GLI2: variants seen among roughly 807,000 people sequenced by gnomAD.
GLI2 encodes the protein GLI family zinc finger 2, also known as transcription activator GLI2.
In GLI2, 22 loss-of-function variants were observed where a neutral mutation model predicts 78.9. The observed-to-expected ratio is 0.28, with a 90% confidence interval of 0.20 to 0.40. The LOEUF (loss-of-function observed/expected upper bound fraction) is 0.40, where lower values mean the gene tolerates loss of function less well. GLI2 is among the 10% of genes least tolerant of loss of function. GLI2 has a pLI of 1.00. For synonymous variants in GLI2, 974 were observed against 963.7 expected (o/e 1.01, Z -0.20); for missense variants, 2,097 against 2,213.2 (o/e 0.95, Z 1.05).
intron 2 of GLI2, among the ~76,000 whole-genome samples, chr2:120,915,329 C>G (rs894179878): frequency 2.0e-5 from 3 of 152,260 alleles, no homozygotes; most frequent in Non-Finnish European, 4.4e-5. Flanking sequence ...CGGACACCAG[C>G]CAGCTCGTGG....
chr2:120,947,309 A>G (rs1411809252), intron 3 of GLI2, among the ~76,000 whole-genome samples: 1 of 152,222 alleles, frequency 6.6e-6, no homozygotes, highest in Non-Finnish European at 1.5e-5. Context: ...GACCTAGCCT[A>G]TCTGGGGATG....
Position 120,990,316 on chromosome 2 carries a change from G to T in GLI2, c.4351G>T (p.Val1451Phe). 6.2e-7 allele frequency: 1 copy of T among 1,613,806 alleles called. No individual in the cohort carries two copies. Among genetic ancestry groups the T allele is most frequent in the South Asian group, 1.1e-5 (1 of 91,086 alleles). The change falls in exon 14 of 14, where the codon GTC becomes TTC. Residue 1451 changes from valine to phenylalanine, a missense_variant. Transcript: ENST00000361492. The stretch of plus-strand genomic sequence containing the variant: ...CCTGGAGAACCTCGGGAGCTGCCAG[G>T]TCATGCGGTCCCAGCCACCACAGCC... ...GGLENLGSCQ[V>F]MRSQPPQPQA... is the part of the protein sequence containing the mutation.
chr2:120,820,425 G>A (rs1392748985), intron 2 of GLI2, among the ~76,000 whole-genome samples: 3 of 152,338 alleles, frequency 2.0e-5, no homozygotes, highest in Admixed American at 2.0e-4. Context: ...GTGAGCATTA[G>A]TTCCCCCCTC....
chr2:120,901,106 T>C (rs1678230546), intron 2 of GLI2, among the ~76,000 whole-genome samples: 1 of 152,206 alleles, frequency 6.6e-6, no homozygotes, highest in South Asian at 2.1e-4. Context: ...ATAAAGCCAC[T>C]TAAGCTTTAC....
chr2:120,890,530 A>G (rs1001367610), intron 2 of GLI2, among the ~76,000 whole-genome samples: 34 of 152,216 alleles, frequency 2.2e-4, no homozygotes, highest in African/African-American at 8.2e-4. Flanking sequence ...TGAGGAAATT[A>G]GAACAAGGCA....
chr2:120,989,118 G>A lies in GLI2; in HGVS notation c.3153G>A (p.Gln1051=). ...TGGTGCTTCCAGACGACGTGGTGCA[G>A]TACATCAAGGCGCACGCCAGTGGCG... is the stretch of plus-strand genomic sequence containing the variant. The part of the protein sequence containing the change: ...DDLVLPDDVV[Q]YIKAHASGAL... The change falls in exon 14 of 14, where the codon CAG becomes CAA. Residue 1051 remains glutamine, a synonymous_variant. Coordinates refer to ENST00000361492, the MANE Select transcript of GLI2 (RefSeq NM_001374353.1). The A allele has an allele frequency of 6.2e-6, 10 of 1,612,892 alleles. No individual in the cohort carries two copies. The highest frequency in any genetic ancestry group is 8.5e-6 in the Non-Finnish European group (10 of 1,179,948).
chr2:120,786,917 GAGA>G (rs1484044966), intron 1 of GLI2, among the ~76,000 whole-genome samples: 1 of 152,200 alleles, frequency 6.6e-6, no homozygotes, highest in African/African-American at 2.4e-5. Flanking sequence ...GGGATGCTCG[GAGA>G]AGAAGAGGAT....
intron 9 of GLI2, 93 bp downstream of exon 9, chr2:120,975,202 G>A: frequency 1.6e-6 from 2 of 1,284,140 alleles, no homozygotes; most frequent in Admixed American, 2.0e-5. Context: ...AGACAGAAGG[G>A]GCTGGAGGAA....
At chr2:120,857,883 C>T (rs983171994) in intron 2 of GLI2, among the ~76,000 whole-genome samples, 6 of 151,684 alleles carry the variant, frequency 4.0e-5, no homozygotes, top group African/African-American at 1.5e-4. Flanking sequence ...CTTGTTTCTC[C>T]TCGTGGCCCA....
At chr2:120,939,101 G>A (rs1254147398) in intron 3 of GLI2, among the ~76,000 whole-genome samples, 1 of 152,186 alleles carries the variant, frequency 6.6e-6, no homozygotes, top group African/African-American at 2.4e-5. Context: ...GGCCAACATG[G>A]CGAAACCCCG....
Position 120,988,479 on chromosome 2 carries a change from C to T in GLI2, c.2514C>T (p.Tyr838=), listed in dbSNP as rs554771972. 145 of 1,560,194 alleles carry T rather than the reference C, an allele frequency of 9.3e-5. 1 individual carries two copies. The South Asian group carries it at 1.5e-3, about 16-fold the overall frequency. The change falls in exon 14 of 14, where the codon TAC becomes TAT. Residue 838 remains tyrosine (Y), a synonymous_variant. Transcript: ENST00000361492. ...ACAACGCGAGCTCCGCTGACTCCTA[C>T]GACCCCATCTCCACGGACGCGTCGC... ...RPHNASSADS[Y]DPISTDASRR... is the part of the protein sequence containing the mutation.
At chr2:120,741,740 C>T (rs1682551840) in intron 1 of GLI2, among the ~76,000 whole-genome samples, 2 of 152,052 alleles carry the variant, frequency 1.3e-5, no homozygotes, top group Admixed American at 6.5e-5. Context: ...GGGGACATTC[C>T]GTGCCCCGAG....
chr2:120,814,242 T>TAA (rs1685390916), intron 2 of GLI2, among the ~76,000 whole-genome samples: 1 of 152,040 alleles, frequency 6.6e-6, no homozygotes, highest in Non-Finnish European at 1.5e-5. Context: ...ACCAAAGGGG[T>TAA]AAGGGCACCG....
chr2:120,886,637 G>A (rs1413484123), intron 2 of GLI2, among the ~76,000 whole-genome samples: 1 of 152,204 alleles, frequency 6.6e-6, no homozygotes, highest in Non-Finnish European at 1.5e-5. Flanking sequence ...GCCTTCCTGA[G>A]GGGCGTGAGT....
chr2:120,741,303 G>A (rs1682531089), intron 1 of GLI2, among the ~76,000 whole-genome samples: 1 of 152,016 alleles, frequency 6.6e-6, no homozygotes, highest in East Asian at 1.9e-4. Context: ...AGGTTTCCTG[G>A]GCAGCTTGTG....
intron 2 of GLI2, among the ~76,000 whole-genome samples, chr2:120,809,047 A>G (rs1685104451): frequency 6.6e-6 from 1 of 152,182 alleles, no homozygotes; most frequent in South Asian, 2.1e-4. Context: ...ACCTATGTGC[A>G]CACAAAACTT....
rs139050211 is a variant in GLI2 at position 120,878,990 on chromosome 2, C to A, written c.149-48371C>A. On this transcript the variant is annotated intron_variant, in intron 2 of 13. Coordinates refer to ENST00000361492, the MANE Select transcript of GLI2 (RefSeq NM_001374353.1). ...CCAGCTCACCCCTTCTTGCCCAATT[C>A]TGTTATCTCAGCATCCTCAGAAGCT... 1.4e-3 allele frequency among the ~76,000 whole-genome samples: 220 copies of A among 152,150 alleles called. 1 individual carries two copies. The East Asian group carries it at 0.019, about 13-fold the overall frequency.
chr2:120,912,310 G>T (rs1472269914), intron 2 of GLI2, among the ~76,000 whole-genome samples: 28 of 147,560 alleles, frequency 1.9e-4, no homozygotes, highest in Non-Finnish European at 3.0e-5. Context: ...GAAGGCTTTG[G>T]CATGTTTTCC....
At chr2:120,981,295 T>C (rs936350078) in intron 10 of GLI2, among the ~76,000 whole-genome samples, 2 of 152,226 alleles carry the variant, frequency 1.3e-5, no homozygotes, top group African/African-American at 2.4e-5. Context: ...ATTTGAATGG[T>C]CTTGGTATCC....
Sources: allele counts gnomAD v4.1 joint callset (sites outside exome capture counted in the v4.1 genomes callset), GRCh38; gene constraint gnomAD v4.1.1; transcripts MANE v1.5; gene names NCBI Gene and HGNC (gene_info 2026-07-23, HGNC 2026-07-21).